Variants in STAG2 observed in about 807,000 individuals in gnomAD.
STAG2 encodes the protein STAG2 cohesin complex component, also known as cohesin subunit SA-2.
A neutral mutation model predicts 108.1 loss-of-function variants in STAG2; 14 were observed. That is an observed-to-expected ratio of 0.13 (90% CI 0.09 to 0.20). The LOEUF is 0.20. Ranked by LOEUF, STAG2 falls within the 10% of genes least tolerant of loss-of-function variation. STAG2 has a pLI of 1.00. For missense variants in STAG2, 440 were observed against 940.9 expected (o/e 0.47, Z 6.96); for synonymous variants, 307 against 302.7 (o/e 1.01, Z -0.15).
intron 1 of STAG2, among the ~76,000 whole-genome samples, chrX:124,019,104 A>C (rs1363224974): frequency 3.2e-5 from 3 of 93,212 alleles, no homozygotes; most frequent in Non-Finnish European, 6.1e-5. Flanking sequence ...TCTGTCACCC[A>C]GGCTGGAGTG....
chrX:124,071,403 A>C, intron 25 of STAG2, 80 bp downstream of exon 25: 1 of 782,154 alleles, frequency 1.3e-6, no homozygotes. Context: ...ACATCGGTGC[A>C]CTAAAATATA....
chrX:123,979,956 A>G (rs1324196236), intron 1 of STAG2, among the ~76,000 whole-genome samples: 2 of 112,020 alleles, frequency 1.8e-5, no homozygotes, highest in African/African-American at 6.5e-5. Flanking sequence ...TTAAAAATGC[A>G]TTGTGCTGAA....
In STAG2 at chrX:124,068,584, G is replaced by A. The variant is rs2058595860; in HGVS notation, c.2286G>A (p.Lys762=). ...SSTKEDLLRL[K]KQMRVFCQIC... is the part of the protein sequence containing the mutation. ...TCAAGGAGGACTTGCTGCGTTTAAA[G>A]AAACAAATGAGAGTATTTTGTCAGA... is the stretch of plus-strand genomic sequence containing the variant. Residue 762 remains lysine (K), a synonymous_variant, in exon 24 of 35, where the codon AAG becomes AAA. Coordinates refer to ENST00000371145, the MANE Select transcript of STAG2 (RefSeq NM_001042750.2). 2 of 1,190,357 alleles carry A rather than the reference G, an allele frequency of 1.7e-6. No individual in the cohort carries two copies. The highest frequency in any genetic ancestry group is 2.3e-6 in the Non-Finnish European group (2 of 888,401).
rs2057750565 is a variant in STAG2 at position 124,042,512 on chromosome X, GT to G, written c.386-53del. 3 of 892,365 alleles carry G rather than the reference GT, an allele frequency of 3.4e-6. No individual in the cohort carries two copies. In the East Asian group the frequency reaches 9.4e-5, roughly 28 times the overall value. 73.5% of individuals were successfully genotyped at this position (892,365 alleles called of 1,213,427 possible). ...CTTAGTGTTAGAGACTTACTTGGAAGTTTTCTTTATTTTTTTATCACACCAT... is the reference window on the plus strand; with the variant it reads ...CTTAGTGTTAGAGACTTACTTGGAAGTTTCTTTATTTTTTTATCACACCAT... On this transcript the variant is annotated intron_variant, in intron 6 of 34. Coordinates refer to ENST00000371145, the MANE Select transcript of STAG2 (RefSeq NM_001042750.2).
At position 124,081,433 on chromosome X, in the gene STAG2, T is replaced by C. The variant is rs202140215; in HGVS notation, c.2829T>C (p.Ser943=). Residue 943 remains serine (S), a synonymous_variant, in exon 28 of 35, where the codon TCT becomes TCC. Coordinates refer to ENST00000371145, the MANE Select transcript of STAG2 (RefSeq NM_001042750.2). ...GCTATAATTTTGATAGATCATCCTCTACATTTAGTGGCATAAAAGAACTTG... is the reference window on the plus strand; with the variant it reads ...GCTATAATTTTGATAGATCATCCTCCACATTTAGTGGCATAAAAGAACTTG... ...ENGYNFDRSS[S]TFSGIKELAR... is the part of the protein sequence containing the mutation. 2.0e-4 allele frequency: 234 copies of C among 1,183,706 alleles called. No homozygotes were observed. The highest frequency in any genetic ancestry group is 1.6e-4 in the Non-Finnish European group (140 of 877,222).
intron 32 of STAG2, among the ~76,000 whole-genome samples, chrX:124,091,800 A>C (rs139935984): frequency 8.9e-6 from 1 of 112,943 alleles, no homozygotes; most frequent in African/African-American, 3.2e-5. Context: ...GGTGCTAAGT[A>C]AATGTTCATT....
rs150893315 is a variant in STAG2 at position 124,051,265 on chromosome X, A to G, written c.1116+46A>G. The G allele has an allele frequency of 3.3e-3, 3,874 of 1,160,475 alleles. 6 individuals are homozygous for G. Among genetic ancestry groups the G allele is most frequent in the Non-Finnish European group, 4.2e-3 (3,578 of 860,235 alleles). On this transcript the variant is annotated intron_variant, in intron 12 of 34. Coordinates refer to ENST00000371145, the MANE Select transcript of STAG2 (RefSeq NM_001042750.2). Reference sequence around the variant, plus strand: ...TACAAATAACTTGTCATTTGCAAACACTTTTCTCTTGCTTTCCTTTTAAAA... The same window carrying G: ...TACAAATAACTTGTCATTTGCAAACGCTTTTCTCTTGCTTTCCTTTTAAAA...
intron 8 of STAG2, 73 bp from the exon 9 acceptor site, chrX:124,047,281 C>T: frequency 1.1e-6 from 1 of 920,460 alleles, no homozygotes; most frequent in Non-Finnish European, 1.5e-6. Flanking sequence ...CTTAATATTT[C>T]TATTTGATCT....
chrX:124,006,129 G>A (rs2056276559), intron 1 of STAG2, among the ~76,000 whole-genome samples: 1 of 111,628 alleles, frequency 9.0e-6, no homozygotes, highest in South Asian at 3.7e-4. Context: ...GGTACTGGGG[G>A]ATAGGACTTC....
intron 1 of STAG2, among the ~76,000 whole-genome samples, chrX:123,975,044 T>C (rs1480084578): frequency 8.9e-6 from 1 of 111,966 alleles, no homozygotes; most frequent in African/African-American, 3.2e-5. Context: ...ATTTTTACAG[T>C]CACCAGTGTG....
intron 1 of STAG2, among the ~76,000 whole-genome samples, chrX:124,017,663 A>G (rs2056779958): frequency 1.8e-5 from 2 of 111,546 alleles, no homozygotes; most frequent in South Asian, 7.5e-4. Flanking sequence ...TGGAGTTGCA[A>G]AGATTCAAGC....
At chrX:124,006,622 G>A (rs943082512) in intron 1 of STAG2, among the ~76,000 whole-genome samples, 4 of 109,876 alleles carry the variant, frequency 3.6e-5, no homozygotes, top group African/African-American at 1.3e-4. Flanking sequence ...TGTATTTTTA[G>A]TAGAGACGGG....
chrX:124,017,863 A>G (rs774624747), intron 1 of STAG2, among the ~76,000 whole-genome samples: 22 of 112,263 alleles, frequency 2.0e-4, no homozygotes, highest in African/African-American at 6.8e-4. Flanking sequence ...TATTAAAAGC[A>G]GTGTTACTTG....
chrX:124,054,843 C>A (rs1178709044), intron 13 of STAG2, among the ~76,000 whole-genome samples: 4 of 111,414 alleles, frequency 3.6e-5, no homozygotes, highest in African/African-American at 1.3e-4. Flanking sequence ...TCCAGCCTCG[C>A]CCTCCCAGGC....
intron 34 of STAG2, 112 bp downstream of exon 34, chrX:124,095,561 G>GC: frequency 3.5e-6 from 2 of 567,941 alleles, no homozygotes; most frequent in Middle Eastern, 3.3e-4. Flanking sequence ...AAAACAGCTG[G>GC]ATGTGAGAAA....
intron 1 of STAG2, among the ~76,000 whole-genome samples, chrX:123,971,575 G>T (rs904428940): frequency 8.0e-5 from 9 of 111,908 alleles, no homozygotes; most frequent in African/African-American, 2.3e-4. Flanking sequence ...AGACAAGATA[G>T]TGTTTTTTAA....
intron 5 of STAG2, among the ~76,000 whole-genome samples, chrX:124,033,125 A>G (rs2057398684): frequency 8.9e-6 from 1 of 112,351 alleles, no homozygotes; most frequent in Non-Finnish European, 1.9e-5. Context: ...GTATATCATG[A>G]TTAGAGTGTG....
chrX:124,022,061 C>G (rs1020148044), intron 2 of STAG2, among the ~76,000 whole-genome samples: 1 of 111,076 alleles, frequency 9.0e-6, no homozygotes, highest in African/African-American at 3.3e-5. Flanking sequence ...AGTGTTACAA[C>G]AAGTCCATAT....
At chrX:124,094,251 C>A in intron 33 of STAG2, 107 bp downstream of exon 33, 1 of 823,178 alleles carries the variant, frequency 1.2e-6, no homozygotes. Flanking sequence ...GTAAGTTTTG[C>A]AAAAATATTA....
Sources: gnomAD v4.1 joint callset for allele counts (sites outside exome capture counted in the v4.1 genomes callset) on GRCh38, gnomAD v4.1.1 for gene constraint, MANE v1.5 for transcripts, NCBI Gene and HGNC (gene_info 2026-07-23, HGNC 2026-07-21) for gene names.